The following ACTR3C variants were observed in gnomAD, a reference collection of about 807,000 sequenced individuals.
ACTR3C encodes actin-related protein 3C.
Under a neutral mutation model 26.3 loss-of-function variants are expected in ACTR3C, and 18 were observed. That is an observed-to-expected ratio of 0.68 (90% CI 0.47 to 1.01). The LOEUF (loss-of-function observed/expected upper bound fraction) is 1.01, where lower values mean the gene tolerates loss of function less well. Ranked by LOEUF, ACTR3C falls within the 50% of genes least tolerant of loss-of-function variation. The pLI is 0.00. For missense variants in ACTR3C, 184 were observed against 250.7 expected (o/e 0.73, Z 1.80); for synonymous variants, 55 against 94.5 (o/e 0.58, Z 2.42).
chr7:149,924,627 T>C, the ACTR3C span, among the ~76,000 whole-genome samples: 1 of 151,870 alleles, frequency 6.6e-6, no homozygotes, highest in African/African-American at 2.4e-5. Flanking sequence ...CAATAACACG[T>C]TTTGGTTTTT....
At chr7:149,901,896 G>C in the ACTR3C span, among the ~76,000 whole-genome samples, 5 of 105,906 alleles carry the variant, frequency 4.7e-5, no homozygotes, top group Admixed American at 4.4e-4. Context: ...GGGCGACAGA[G>C]CAAGACTCTG....
intron 6 of ACTR3C, among the ~76,000 whole-genome samples, chr7:150,267,424 C>G (rs1834124397): frequency 6.6e-6 from 1 of 152,248 alleles, no homozygotes; most frequent in African/African-American, 2.4e-5. Context: ...AGTCTCTTCT[C>G]TTTGTCCAGC....
chr7:150,155,056 G>A, the ACTR3C span, among the ~76,000 whole-genome samples: 1 of 152,094 alleles, frequency 6.6e-6, no homozygotes, highest in Non-Finnish European at 1.5e-5. Flanking sequence ...AGAGGGTCAG[G>A]GTAAACCAGT....
At chr7:150,003,658 G>A in the ACTR3C span, among the ~76,000 whole-genome samples, 1 of 151,942 alleles carries the variant, frequency 6.6e-6, no homozygotes, top group Non-Finnish European at 1.5e-5. Context: ...GGTTTGGAGT[G>A]TGTGTGGTAT....
chr7:149,973,568 C>T, the ACTR3C span, among the ~76,000 whole-genome samples: 50 of 151,842 alleles, frequency 3.3e-4, no homozygotes, highest in South Asian at 8.8e-3. Context: ...GAAGTCATTC[C>T]GGATCTTGGG....
chr7:150,220,642 G>A, the ACTR3C span, among the ~76,000 whole-genome samples: 2 of 151,910 alleles, frequency 1.3e-5, no homozygotes, highest in African/African-American at 4.8e-5. Context: ...CCCAAAAGGA[G>A]CTCCAAGGAG....
chr7:150,173,453 A>G, the ACTR3C span, among the ~76,000 whole-genome samples: 4,780 of 145,872 alleles, frequency 0.033, 287 homozygotes, highest in African/African-American at 0.13. Flanking sequence ...CACACAGTAC[A>G]GGGACCCTTT....
intron 6 of ACTR3C, among the ~76,000 whole-genome samples, chr7:150,253,766 T>C (rs1361893735): frequency 6.6e-6 from 1 of 152,046 alleles, no homozygotes; most frequent in African/African-American, 2.4e-5. Flanking sequence ...GTATTGGCTA[T>C]TGATAATAAT....
the ACTR3C span, among the ~76,000 whole-genome samples, chr7:150,172,846 G>T: frequency 1.3e-5 from 2 of 150,652 alleles, no homozygotes; most frequent in Admixed American, 6.6e-5. Flanking sequence ...ATGCAAGTCT[G>T]AAATCCAGAA....
the ACTR3C span, among the ~76,000 whole-genome samples, chr7:150,028,013 T>A: frequency 1.3e-5 from 2 of 152,224 alleles, no homozygotes; most frequent in East Asian, 1.9e-4. Flanking sequence ...AATAAAAAAA[T>A]TAAAAACTTT....
At chr7:149,907,464 TTGCC>T in the ACTR3C span, among the ~76,000 whole-genome samples, 28 of 76,886 alleles carry the variant, frequency 3.6e-4, no homozygotes, top group South Asian at 1.6e-3. Context: ...GGGGCCTCTC[TTGCC>T]TCTCTTCTCT....
chr7:150,307,113 A>G (rs1795859331), intron 1 of ACTR3C, among the ~76,000 whole-genome samples: 1 of 152,280 alleles, frequency 6.6e-6, no homozygotes. Flanking sequence ...ATGAGTGACC[A>G]TGGCCCATGA....
At chr7:149,982,807 A>G in the ACTR3C span, among the ~76,000 whole-genome samples, 1 of 152,192 alleles carries the variant, frequency 6.6e-6, no homozygotes, top group African/African-American at 2.4e-5. Context: ...TGGGTTGTCT[A>G]CACATAAGAT....
chr7:149,983,101 C>A, the ACTR3C span, among the ~76,000 whole-genome samples: 23,170 of 150,356 alleles, frequency 0.15, 3,457 homozygotes, highest in African/African-American at 0.39. Context: ...TTACCTTATG[C>A]TGTACATAAA....
chr7:149,892,508 C>G, the ACTR3C span: 1 of 1,020,492 alleles, frequency 9.8e-7, no homozygotes, highest in Admixed American at 3.2e-5. Context: ...ATTGTTAGGG[C>G]TCCATGTGGG....
rs568180226 is a variant in ACTR3C at position 150,313,272 on chromosome 7, C to T, written c.-52+10197G>A. On this transcript the variant is annotated intron_variant, in intron 1 of 7. Coordinates refer to ENST00000683684, the MANE Select transcript of ACTR3C (RefSeq NM_001164458.2). ...AAACCTGTTTAGGTGGTCTTCTCTA[C>T]GGACACACGTGACAGTTCAGAAAGG... Among the ~76,000 whole-genome samples, 6 of 152,228 alleles carry T rather than the reference C, an allele frequency of 3.9e-5. No homozygotes were observed. The South Asian group carries it at 6.2e-4, about 16-fold the overall frequency.
the ACTR3C span, among the ~76,000 whole-genome samples, chr7:150,057,356 C>T: frequency 6.7e-6 from 1 of 148,784 alleles, no homozygotes; most frequent in South Asian, 2.1e-4. Context: ...TCTCAGCTCA[C>T]TGCAAACTCC....
the ACTR3C span, among the ~76,000 whole-genome samples, chr7:150,198,617 C>T: frequency 6.7e-6 from 1 of 150,092 alleles, no homozygotes; most frequent in African/African-American, 2.5e-5. Context: ...GCAGCCGCCC[C>T]GTCTGAGAAG....
chr7:150,199,224 A>G, the ACTR3C span, among the ~76,000 whole-genome samples: 1 of 136,930 alleles, frequency 7.3e-6, no homozygotes, highest in East Asian at 2.1e-4. Context: ...TGTAGAAAGA[A>G]GTAGACATGG....
Sources: allele counts gnomAD v4.1 joint callset (sites outside exome capture counted in the v4.1 genomes callset), GRCh38; gene constraint gnomAD v4.1.1; transcripts MANE v1.5; gene names NCBI Gene and HGNC (gene_info 2026-07-23, HGNC 2026-07-21).